SLC24A2: variants seen among roughly 807,000 people sequenced by gnomAD.
The protein encoded by SLC24A2 is solute carrier family 24 member 2.
Under a neutral mutation model 62.0 loss-of-function variants are expected in SLC24A2, and 36 were observed. The observed-to-expected ratio is 0.58, with a 90% CI of 0.44 to 0.77. The LOEUF is 0.77. SLC24A2 is among the 30% of genes least tolerant of loss of function. The pLI, the probability that SLC24A2 is intolerant of heterozygous loss-of-function variation, is 0.00. For synonymous variants in SLC24A2, 358 were observed against 294.0 expected (o/e 1.22, Z -2.23); for missense variants, 846 against 817.9 (o/e 1.03, Z -0.42).
At chr9:20,109,419 C>A in the SLC24A2 span, among the ~76,000 whole-genome samples, 1 of 152,180 alleles carries the variant, frequency 6.6e-6, no homozygotes, top group Non-Finnish European at 1.5e-5. Flanking sequence ...AAGAGTGGTT[C>A]ATTGTGCCTA....
chr9:19,721,556 G>C (rs553701820), intron 2 of SLC24A2, among the ~76,000 whole-genome samples: 4 of 151,994 alleles, frequency 2.6e-5, no homozygotes, highest in Non-Finnish European at 4.4e-5. Flanking sequence ...TGATAAATCT[G>C]ATAAAATCAG....
the SLC24A2 span, among the ~76,000 whole-genome samples, chr9:20,024,487 C>A: frequency 6.6e-6 from 1 of 152,196 alleles, no homozygotes; most frequent in African/African-American, 2.4e-5. Flanking sequence ...TTTGACAAGG[C>A]TTCCAAGCTT....
chr9:19,754,192 T>G (rs375024011), intron 2 of SLC24A2, among the ~76,000 whole-genome samples: 1 of 152,056 alleles, frequency 6.6e-6, no homozygotes, highest in South Asian at 2.1e-4. Flanking sequence ...AGTGGCAGGG[T>G]AGAAGAAAGG....
chr9:20,063,654 AAAAAT>A, the SLC24A2 span, among the ~76,000 whole-genome samples: 12 of 152,004 alleles, frequency 7.9e-5, no homozygotes, highest in African/African-American at 2.4e-4. Context: ...ATAAAAAAAT[AAAAAT>A]AAAAGACTTG....
rs142203080 is a variant in SLC24A2 at position 19,588,001 on chromosome 9, G to A, written c.1129+9228C>T. Among the ~76,000 whole-genome samples the A allele has an allele frequency of 6.6e-4, 100 of 152,246 alleles. No individual in the cohort carries two copies. The East Asian group carries it at 0.018, about 28-fold the overall frequency. On this transcript the variant is annotated intron_variant, in intron 5 of 10. Coordinates refer to ENST00000341998, the MANE Select transcript of SLC24A2 (RefSeq NM_020344.4). ...GGAAGACTGTGGCTTTACCCACATA[G>A]CTGGTTTGGTCTTTCTAACAGACCT...
the SLC24A2 span, among the ~76,000 whole-genome samples, chr9:20,223,348 A>G: frequency 6.6e-6 from 1 of 152,152 alleles, no homozygotes; most frequent in Non-Finnish European, 1.5e-5. Context: ...CATTTTCAAT[A>G]AAAGCCGGGC....
At chr9:19,948,941 C>G in the SLC24A2 span, among the ~76,000 whole-genome samples, 2 of 151,398 alleles carry the variant, frequency 1.3e-5, no homozygotes, top group East Asian at 3.9e-4. Flanking sequence ...AAACTACTAA[C>G]TCTCTTTGGG....
chr9:19,725,730 G>C (rs564400008), intron 2 of SLC24A2, among the ~76,000 whole-genome samples: 1 of 152,094 alleles, frequency 6.6e-6, no homozygotes, highest in Non-Finnish European at 1.5e-5. Context: ...GTGAGAATTT[G>C]GTGAGAATAG....
intron 2 of SLC24A2, among the ~76,000 whole-genome samples, chr9:19,712,540 C>A (rs72687713): frequency 0.018 from 2,704 of 152,248 alleles, 44 homozygotes; most frequent in Middle Eastern, 0.037. Context: ...GGAAGCAGAG[C>A]AGACAAATGA....
the SLC24A2 span, among the ~76,000 whole-genome samples, chr9:19,981,401 G>A: frequency 2.0e-5 from 3 of 152,056 alleles, no homozygotes; most frequent in Non-Finnish European, 4.4e-5. Flanking sequence ...AATTTATTTT[G>A]TAAAAGAAAC....
the SLC24A2 span, among the ~76,000 whole-genome samples, chr9:19,838,454 A>ACC: frequency 5.1e-5 from 4 of 79,118 alleles, no homozygotes; most frequent in East Asian, 7.9e-4. Flanking sequence ...TAGACCTAAA[A>ACC]CCACACACAC....
At chr9:19,600,220 G>A (rs1836807501) in intron 4 of SLC24A2, among the ~76,000 whole-genome samples, 1 of 152,192 alleles carries the variant, frequency 6.6e-6, no homozygotes, top group Admixed American at 6.5e-5. Context: ...TAATCCGATT[G>A]TAAATGCTGC....
At chr9:19,769,070 T>A (rs970526029) in intron 2 of SLC24A2, among the ~76,000 whole-genome samples, 3 of 152,172 alleles carry the variant, frequency 2.0e-5, no homozygotes, top group Non-Finnish European at 4.4e-5. Context: ...CATCTCCATT[T>A]CAATGTTCAA....
At chr9:19,572,784 G>A (rs1563975247) in intron 7 of SLC24A2, among the ~76,000 whole-genome samples, 1 of 152,362 alleles carries the variant, frequency 6.6e-6, no homozygotes, top group South Asian at 2.1e-4. Context: ...CTACTAGACT[G>A]AAAAGTTCAA....
chr9:19,571,514 C>A (rs1835836746), intron 7 of SLC24A2, among the ~76,000 whole-genome samples: 1 of 152,060 alleles, frequency 6.6e-6, no homozygotes, highest in Non-Finnish European at 1.5e-5. Context: ...CTAGAGAGTG[C>A]TTTCAAACTT....
At chr9:19,583,867 G>T (rs1271129302) in intron 5 of SLC24A2, among the ~76,000 whole-genome samples, 1 of 152,152 alleles carries the variant, frequency 6.6e-6, no homozygotes, top group Non-Finnish European at 1.5e-5. Flanking sequence ...ACACCATAAA[G>T]ATCAGGGCAG....
chr9:20,036,768 A>T, the SLC24A2 span, among the ~76,000 whole-genome samples: 2,242 of 152,220 alleles, frequency 0.015, 59 homozygotes, highest in African/African-American at 0.051. Context: ...ACCACAATGC[A>T]GGATGCTTGA....
the SLC24A2 span, among the ~76,000 whole-genome samples, chr9:20,228,905 G>C: frequency 6.6e-6 from 1 of 152,124 alleles, no homozygotes; most frequent in African/African-American, 2.4e-5. Context: ...GTGGTGGCTG[G>C]AGGATGCAGA....
intron 8 of SLC24A2, among the ~76,000 whole-genome samples, chr9:19,531,615 C>A (rs1445911360): frequency 1.3e-5 from 2 of 152,050 alleles, no homozygotes; most frequent in Non-Finnish European, 2.9e-5. Context: ...TTAGCTATAT[C>A]CTTACTGATT....
Sources: allele counts gnomAD v4.1 joint callset (sites outside exome capture counted in the v4.1 genomes callset), GRCh38; gene constraint gnomAD v4.1.1; transcripts MANE v1.5; gene names NCBI Gene and HGNC (gene_info 2026-07-23, HGNC 2026-07-21).